Variants in NRXN3 observed in about 807,000 individuals in gnomAD.
NRXN3 encodes the protein neurexin III.
NRXN3 carries 32 observed loss-of-function variants against 137.6 expected under a neutral mutation model. The ratio of observed to expected loss-of-function variants is 0.23; its 90% CI spans 0.18 to 0.31. NRXN3 has a LOEUF of 0.31. Ranked by LOEUF, NRXN3 falls within the 10% of genes least tolerant of loss-of-function variation. The pLI is 1.00. For synonymous variants in NRXN3, 798 were observed against 784.5 expected (o/e 1.02, Z -0.29); for missense variants, 1,574 against 2,062.5 (o/e 0.76, Z 4.59).
At chr14:79,767,322 T>C (rs1012765122) in intron 19 of NRXN3, among the ~76,000 whole-genome samples, 4 of 152,320 alleles carry the variant, frequency 2.6e-5, no homozygotes, top group African/African-American at 7.2e-5. Context: ...CATGTGCTGT[T>C]TATATGAAAT....
chr14:78,647,490 C>G (rs947136594), intron 5 of NRXN3, among the ~76,000 whole-genome samples: 1 of 152,218 alleles, frequency 6.6e-6, no homozygotes, highest in Admixed American at 6.5e-5. Flanking sequence ...CGTGCTGTGA[C>G]GTGCACATGA....
intron 4 of NRXN3, among the ~76,000 whole-genome samples, chr14:78,587,067 CT>C (rs2097071498): frequency 6.6e-6 from 1 of 152,190 alleles, no homozygotes; most frequent in African/African-American, 2.4e-5. Context: ...TCTAAAGATT[CT>C]GTGTCCAAAG....
In NRXN3 at chr14:79,826,723, G is replaced by C. The variant is rs145592212; in HGVS notation, c.4093+21533G>C. ...TGGGATTATTTTTTTCCCAGTCTGT[G>C]ATCCAATCCAAGATCACACATTGCA... On this transcript the variant is annotated intron_variant, in intron 20 of 20. Coordinates refer to ENST00000335750, the MANE Select transcript of NRXN3 (RefSeq NM_001330195.2). Among the ~76,000 whole-genome samples, 7 of 152,216 alleles carry C rather than the reference G, an allele frequency of 4.6e-5. No homozygotes were observed. The East Asian group carries it at 1.4e-3, about 29-fold the overall frequency.
chr14:79,130,041 C>T (rs1467527339), intron 15 of NRXN3, among the ~76,000 whole-genome samples: 2 of 152,068 alleles, frequency 1.3e-5, no homozygotes, highest in Non-Finnish European at 2.9e-5. Flanking sequence ...GTAGATCTTC[C>T]TTCATCCTAT....
intron 1 of NRXN3, among the ~76,000 whole-genome samples, chr14:78,207,463 C>T (rs576545915): frequency 3.9e-5 from 6 of 152,316 alleles, no homozygotes; most frequent in African/African-American, 1.2e-4. Flanking sequence ...TTCTGGTCCT[C>T]TCCACCCACA....
chr14:78,561,467 T>G (rs2096785356), intron 4 of NRXN3, among the ~76,000 whole-genome samples: 1 of 152,154 alleles, frequency 6.6e-6, no homozygotes, highest in South Asian at 2.1e-4. Flanking sequence ...CATAGACTCT[T>G]AAAAATGTAA....
intron 15 of NRXN3, among the ~76,000 whole-genome samples, chr14:79,358,559 CAA>C (rs1217868111): frequency 1.3e-4 from 8 of 61,802 alleles, no homozygotes; most frequent in East Asian, 6.2e-4. Flanking sequence ...GACTCTGTCT[CAA>C]AAAAAAAAAA....
At chr14:79,194,960 CT>C (rs200203038) in intron 15 of NRXN3, among the ~76,000 whole-genome samples, 96 of 147,312 alleles carry the variant, frequency 6.5e-4, no homozygotes, top group Middle Eastern at 3.5e-3. Flanking sequence ...ATCTTATTTT[CT>C]TTTTTTTTTC....
intron 17 of NRXN3, among the ~76,000 whole-genome samples, chr14:79,674,024 A>C (rs2098627474): frequency 6.6e-6 from 1 of 152,048 alleles, no homozygotes; most frequent in South Asian, 2.1e-4. Flanking sequence ...CACAAAGTGA[A>C]AGAAGGTGCT....
intron 3 of NRXN3, among the ~76,000 whole-genome samples, chr14:78,283,769 C>T (rs1182834968): frequency 6.6e-6 from 1 of 152,138 alleles, no homozygotes; most frequent in African/African-American, 2.4e-5. Context: ...TCAGCCTCCC[C>T]AAGTGCTGGG....
At chr14:78,195,064 C>T (rs769785379) in intron 1 of NRXN3, among the ~76,000 whole-genome samples, 2 of 142,630 alleles carry the variant, frequency 1.4e-5, no homozygotes, top group African/African-American at 2.6e-5. Flanking sequence ...TGTCCCCCGA[C>T]CCCCCACCCT....
chr14:78,754,752 G>A (rs561897266), intron 8 of NRXN3, among the ~76,000 whole-genome samples: 4 of 152,214 alleles, frequency 2.6e-5, no homozygotes, highest in Non-Finnish European at 5.9e-5. Flanking sequence ...GGAGGTGGGT[G>A]GGGCCCAGCA....
intron 8 of NRXN3, chr14:78,745,231 G>C (rs1202151075): frequency 6.6e-6 from 1 of 152,150 alleles, no homozygotes; most frequent in African/African-American, 2.4e-5. Flanking sequence ...GCTTTCCTCA[G>C]CTGTGATAGC....
chr14:79,733,351 G>T (rs977140667), intron 19 of NRXN3, among the ~76,000 whole-genome samples: 15 of 152,224 alleles, frequency 9.9e-5, no homozygotes, highest in Admixed American at 2.0e-4. Flanking sequence ...TCCCAATTTG[G>T]TTTTCTTAAG....
intron 10 of NRXN3, among the ~76,000 whole-genome samples, chr14:78,839,011 A>G (rs2099004789): frequency 6.6e-6 from 1 of 152,150 alleles, no homozygotes; most frequent in South Asian, 2.1e-4. Context: ...GGTGCTGGAG[A>G]TCCGTTGGTG....
At chr14:78,601,966 G>A (rs184801444) in intron 4 of NRXN3, among the ~76,000 whole-genome samples, 1 of 152,156 alleles carries the variant, frequency 6.6e-6, no homozygotes, top group Admixed American at 6.5e-5. Context: ...CATTTCTAAG[G>A]TTAGGAAAAT....
chr14:78,534,362 C>T (rs554997401), intron 4 of NRXN3, among the ~76,000 whole-genome samples: 8 of 152,262 alleles, frequency 5.3e-5, no homozygotes, highest in South Asian at 2.1e-4. Flanking sequence ...CACAGACAGA[C>T]GTCAGTGGAT....
At chr14:79,374,258 T>A (rs1460067199) in intron 15 of NRXN3, among the ~76,000 whole-genome samples, 1 of 152,112 alleles carries the variant, frequency 6.6e-6, no homozygotes, top group Non-Finnish European at 1.5e-5. Flanking sequence ...AACAGATGAC[T>A]CCCTGTTGGC....
rs1201107427 is a variant in NRXN3, at chr14:79,763,832, T to G, written c.4015-41280T>G. On this transcript the variant is annotated intron_variant, in intron 19 of 20. Transcript: ENST00000335750. ...CTCCTGATACCATTACACTGGTGATTAGCTTTCAATATATAAATTTGGGTG... is the reference window on the plus strand; with the variant it reads ...CTCCTGATACCATTACACTGGTGATGAGCTTTCAATATATAAATTTGGGTG... Among the ~76,000 whole-genome samples the G allele has an allele frequency of 2.0e-5, 3 of 151,620 alleles. 1 individual carries two copies. Among genetic ancestry groups the G allele is most frequent in the African/African-American group, 7.3e-5 (3 of 40,894 alleles).
Sources: gnomAD v4.1 joint callset for allele counts (sites outside exome capture counted in the v4.1 genomes callset) on GRCh38, gnomAD v4.1.1 for gene constraint, MANE v1.5 for transcripts, NCBI Gene and HGNC (gene_info 2026-07-23, HGNC 2026-07-21) for gene names.